Variants in RBSN observed in about 807,000 individuals in gnomAD.
The protein encoded by RBSN is rabenosyn-5.
Under a neutral mutation model 60.5 loss-of-function variants are expected in RBSN, and 34 were observed. The observed-to-expected ratio is 0.56, with a 90% CI of 0.43 to 0.75. RBSN has a LOEUF of 0.75. Ranked by LOEUF, RBSN falls within the 30% of genes least tolerant of loss-of-function variation. The pLI is 0.00. For synonymous variants in RBSN, 322 were observed against 366.9 expected (o/e 0.88, Z 1.40); for missense variants, 845 against 986.8 (o/e 0.86, Z 1.92).
chr3:15,088,680 G>A (rs1267352311), intron 5 of RBSN, among the ~76,000 whole-genome samples: 1 of 152,024 alleles, frequency 6.6e-6, no homozygotes, highest in Admixed American at 6.6e-5. Context: ...GCGCCCGGCT[G>A]TATAGTATTA....
chr3:15,088,138 G>C (rs1249712011), intron 5 of RBSN, among the ~76,000 whole-genome samples: 1 of 151,922 alleles, frequency 6.6e-6, no homozygotes, highest in Non-Finnish European at 1.5e-5. Flanking sequence ...ATGAAACAAG[G>C]TATCACAAAC....
chr3:15,091,780 G>A (rs868548722), intron 4 of RBSN, among the ~76,000 whole-genome samples: 4 of 152,164 alleles, frequency 2.6e-5, no homozygotes, highest in Admixed American at 1.3e-4. Context: ...GCTCTCCCCC[G>A]CTAGTCCTGA....
chr3:15,073,917 C>T lies in RBSN; in HGVS notation c.2220G>A (p.Leu740=). 6.2e-7 allele frequency: 1 copy of T among 1,614,142 alleles called. No individual in the cohort carries two copies. Among genetic ancestry groups the T allele is most frequent in the Non-Finnish European group, 8.5e-7 (1 of 1,180,034 alleles). Residue 740 remains leucine, a synonymous_variant, in exon 14 of 14, where the codon CTG becomes CTA. Transcript: ENST00000253699. The part of the protein sequence containing the change: ...AEEPIEEELL[L]QQIDNIKAYI... ...ATGCCTTGATGTTATCGATCTGCTG[C>T]AGGAGGAGCTCTTCCTCTATGGGCT...
chr3:15,085,153 C>A, intron 6 of RBSN, 108 bp from the exon 7 acceptor site: 1 of 1,305,848 alleles, frequency 7.7e-7, no homozygotes. Flanking sequence ...TTCCTCAAGT[C>A]TCATCTGTCA....
In RBSN at chr3:15,073,644, C is replaced by T; in HGVS notation, c.*138G>A. On this transcript the variant is annotated 3_prime_UTR_variant, in exon 14 of 14. Transcript: ENST00000253699. ...ATACCTCAAAGTGCGCAACACAAAACAGCAGATTCCTGCCCCTCACCTGTG... is the reference window on the plus strand; with the variant it reads ...ATACCTCAAAGTGCGCAACACAAAATAGCAGATTCCTGCCCCTCACCTGTG... 3 of 844,432 alleles carry T rather than the reference C, an allele frequency of 3.6e-6. No homozygotes were observed. Among genetic ancestry groups the T allele is most frequent in the Non-Finnish European group, 3.6e-6 (2 of 554,126 alleles). The allele number at this position is 844,432 out of a possible 1,614,324, so 52.3% of individuals were successfully genotyped here.
chr3:15,082,537 G>T lies in RBSN; in HGVS notation c.670C>A (p.His224Asn). The change falls in exon 9 of 14, where the codon CAT becomes AAT. Residue 224 changes from histidine (H) to asparagine (N), a missense_variant. Physicochemically the swap from His to Asn is moderately conservative, Grantham distance 68. Coordinates refer to ENST00000253699, the MANE Select transcript of RBSN (RefSeq NM_022340.4). The surrounding 1 kb of genome is among the most constrained non-coding windows in gnomAD (Gnocchi z 4.2). ...CTGATGCTGCCTCGGCGGGAGCCAT[G>T]GACACTGTTGGGTGACTGGCTGGGG... ...TSPSQSPNSV[H>N]GSRRGSISSM... 1 of 1,614,162 alleles carries T rather than the reference G, an allele frequency of 6.2e-7. No individual in the cohort carries two copies. The highest frequency in any genetic ancestry group is 2.2e-5 in the East Asian group (1 of 44,872).
Position 15,074,588 on chromosome 3 carries a change from G to C in RBSN, c.1549C>G (p.Leu517Val). ...LSRRQAEEED[L>V]QREQLQMLRE... The stretch of plus-strand genomic sequence containing the variant: ...AACATCTGCAGCTGTTCCCGCTGCA[G>C]GTCCTCCTCCTCAGCCTGCCTCCGG... Residue 517 changes from leucine (L) to valine (V), a missense_variant, in exon 14 of 14, where the codon CTG becomes GTG. Coordinates refer to ENST00000253699, the MANE Select transcript of RBSN (RefSeq NM_022340.4). The surrounding 1 kb of genome is among the most constrained non-coding windows in gnomAD (Gnocchi z 6.4). 6.2e-7 allele frequency: 1 copy of C among 1,614,242 alleles called. No individual in the cohort carries two copies. The highest frequency in any genetic ancestry group is 1.1e-5 in the South Asian group (1 of 91,084).
At position 15,080,628 on chromosome 3, in the gene RBSN, G is replaced by A. The variant is rs2043179688; in HGVS notation, c.911+104C>T. ...AACTTCAGCTGGTCTCAGAAAAAAA[G>A]CACGGTTGAAGTTAAGATTTTCATT... On this transcript the variant is annotated intron_variant, in intron 10 of 13. Transcript: ENST00000253699. 3 of 1,171,748 alleles carry A rather than the reference G, an allele frequency of 2.6e-6. No homozygotes were observed. In the South Asian group the frequency reaches 4.1e-5, roughly 16 times the overall value. 72.6% of individuals were successfully genotyped at this position (1,171,748 alleles called of 1,614,324 possible).
intron 5 of RBSN, among the ~76,000 whole-genome samples, chr3:15,087,682 A>T (rs545216562): frequency 6.6e-6 from 1 of 152,210 alleles, no homozygotes; most frequent in South Asian, 2.1e-4. Context: ...GCAGTGGCGA[A>T]ATCTCCAGGC....
intron 4 of RBSN, among the ~76,000 whole-genome samples, chr3:15,090,811 G>A (rs1471224474): frequency 6.6e-6 from 1 of 152,192 alleles, no homozygotes; most frequent in Non-Finnish European, 1.5e-5. Context: ...CCAAATTTAA[G>A]AGCACAATTA....
Position 15,096,305 on chromosome 3 carries a change from G to A in RBSN, c.-168-17C>T. 1.7e-6 allele frequency: 1 copy of A among 579,898 alleles called. No individual in the cohort carries two copies. The highest frequency in any genetic ancestry group is 2.7e-6 in the Non-Finnish European group (1 of 374,116). The allele number at this position is 579,898 out of a possible 1,614,324, so 35.9% of individuals were successfully genotyped here. A position where few individuals can be genotyped will look rare whatever the true frequency, so the allele number is the denominator to read the frequency against. On this transcript the variant is annotated splice_polypyrimidine_tract_variant and intron_variant, in intron 3 of 13. Transcript: ENST00000253699. ...GGAGGAGCCCTAAGAAAGAAAAGAA[G>A]AAGGGAAAAAAGCCAATTCAGGCAA...
chr3:15,078,027 A>G (rs1254365746), intron 11 of RBSN, 48 bp downstream of exon 11: 1 of 1,512,912 alleles, frequency 6.6e-7, no homozygotes, highest in Middle Eastern at 1.7e-4. Flanking sequence ...TTAGAACAGC[A>G]TCTTCTCCAT....
rs1367807849 is a variant in RBSN, at chr3:15,072,870, C to A, written c.*912G>T. The A allele has an allele frequency of 6.6e-6, 1 of 152,256 alleles. No homozygotes were observed. The highest frequency in any genetic ancestry group is 1.5e-5 in the Non-Finnish European group (1 of 68,112). The allele number at this position is 152,256 out of a possible 1,614,324, so 9.4% of individuals were successfully genotyped here. A position where few individuals can be genotyped will look rare whatever the true frequency, so the allele number is the denominator to read the frequency against. On this transcript the variant is annotated 3_prime_UTR_variant, in exon 14 of 14. Transcript: ENST00000253699. Reference sequence around the variant, plus strand: ...CTGGGACTACAGGCACCCACCACCACGCCTGGCTAATTTTTTGTATTTTTA... The same window carrying A: ...CTGGGACTACAGGCACCCACCACCAAGCCTGGCTAATTTTTTGTATTTTTA...
At chr3:15,086,037 T>C (rs1392697497) in intron 5 of RBSN, 76 bp from the exon 6 acceptor site, 24 of 1,109,038 alleles carry the variant, frequency 2.2e-5, no homozygotes, top group Non-Finnish European at 2.9e-5. Context: ...TTGCCTCTTA[T>C]CCCAGTGAAT....
Position 15,082,411 on chromosome 3 carries a change from T to C in RBSN, c.796A>G (p.Ile266Val), listed in dbSNP as rs2043225933. 1 of 1,613,862 alleles carries C rather than the reference T, an allele frequency of 6.2e-7. No homozygotes were observed. Among genetic ancestry groups the C allele is most frequent in the Non-Finnish European group, 8.5e-7 (1 of 1,179,864 alleles). ...TCAGGTGTGTGCTCCTTCTCATCAA[T>C]CTGCTGCTCTCTCTTGAGCAGCGTG... The part of the protein sequence containing the change: ...KDTLLKREQQ[I>V]DEKEHTPDIV... The change falls in exon 9 of 14, where the codon ATT becomes GTT. Residue 266 changes from isoleucine (I) to valine (V), a missense_variant. Physicochemically the swap from Ile to Val is conservative, Grantham distance 29. Coordinates refer to ENST00000253699, the MANE Select transcript of RBSN (RefSeq NM_022340.4). The surrounding 1 kb of genome is among the most constrained non-coding windows in gnomAD (Gnocchi z 4.2).
At chr3:15,089,776 A>G (rs190181530) in intron 5 of RBSN, among the ~76,000 whole-genome samples, 1 of 152,096 alleles carries the variant, frequency 6.6e-6, no homozygotes, top group East Asian at 1.9e-4. Flanking sequence ...ACGCCCGGCT[A>G]ATTTTTTGTA....
Position 15,074,179 on chromosome 3 carries a change from G to C in RBSN, c.1958C>G (p.Pro653Arg). ...GTACTCTTTCAGGATGCGGGCTGAA[G>C]GGTCTAAGGAAACCCCTGCAGCAGG... ...GPPAAGVSLD[P>R]SARILKEYNP... Residue 653 changes from proline to arginine, a missense_variant, in exon 14 of 14, where the codon CCT (proline) becomes CGT (arginine). Transcript: ENST00000253699. The surrounding 1 kb of genome is among the most constrained non-coding windows in gnomAD (Gnocchi z 6.4). 6.2e-7 allele frequency: 1 copy of C among 1,612,614 alleles called. No homozygotes were observed. The highest frequency in any genetic ancestry group is 1.1e-5 in the South Asian group (1 of 90,920).
chr3:15,078,898 C>T (rs2043135669), intron 10 of RBSN, among the ~76,000 whole-genome samples: 1 of 145,240 alleles, frequency 6.9e-6, no homozygotes, highest in African/African-American at 2.6e-5. Flanking sequence ...CTACATGCAT[C>T]GCTTTAAATG....
At chr3:15,089,889 C>T (rs1249307150) in intron 5 of RBSN, among the ~76,000 whole-genome samples, 3 of 152,118 alleles carry the variant, frequency 2.0e-5, no homozygotes, top group African/African-American at 4.8e-5. Context: ...TGAGCCACCG[C>T]GCCCAGCTTA....
Sources: gnomAD v4.1 joint callset for allele counts (sites outside exome capture counted in the v4.1 genomes callset) on GRCh38, gnomAD v4.1.1 for gene constraint, Gnocchi (gnomAD v3.1) non-coding constraint, MANE v1.5 for transcripts, NCBI Gene and HGNC (gene_info 2026-07-23, HGNC 2026-07-21) for gene names.